The following PPP4R4 variants were observed in gnomAD, a reference collection of about 807,000 sequenced individuals.
PPP4R4 encodes the protein protein phosphatase 4 regulatory subunit 4.
In PPP4R4, 70 loss-of-function variants were observed where a neutral mutation model predicts 121.8. The observed-to-expected ratio is 0.57, with a 90% CI of 0.47 to 0.70. The LOEUF is 0.70. Among genes scored for constraint, PPP4R4 ranks in the 30% least tolerant of loss-of-function variants. The pLI, the probability that PPP4R4 is intolerant of heterozygous loss-of-function variation, is 0.00. For missense variants in PPP4R4, 875 were observed against 1,033.6 expected (o/e 0.85, Z 2.10); for synonymous variants, 348 against 355.7 (o/e 0.98, Z 0.24).
At chr14:94,266,288 T>C (rs530794454) in intron 22 of PPP4R4, among the ~76,000 whole-genome samples, 1 of 152,270 alleles carries the variant, frequency 6.6e-6, no homozygotes, top group South Asian at 2.1e-4. Flanking sequence ...ATTGGCATGT[T>C]CATATGATAA....
intron 7 of PPP4R4, among the ~76,000 whole-genome samples, chr14:94,236,525 A>G (rs1431571384): frequency 1.3e-5 from 2 of 152,184 alleles, no homozygotes; most frequent in Non-Finnish European, 2.9e-5. Context: ...TGTATGATCT[A>G]GATCAATCTC....
intron 5 of PPP4R4, among the ~76,000 whole-genome samples, chr14:94,232,929 G>A (rs986709554): frequency 9.2e-5 from 14 of 152,058 alleles, no homozygotes; most frequent in Non-Finnish European, 1.5e-4. Flanking sequence ...GTGGTGGCAG[G>A]CGCCTGTAGT....
chr14:94,192,245 G>A (rs1889642480), intron 2 of PPP4R4, among the ~76,000 whole-genome samples: 1 of 152,008 alleles, frequency 6.6e-6, no homozygotes, highest in Non-Finnish European at 1.5e-5. Context: ...ACATTATTAA[G>A]AATTTCATTT....
intron 15 of PPP4R4, among the ~76,000 whole-genome samples, chr14:94,250,553 A>G (rs1299328514): frequency 6.6e-6 from 1 of 151,996 alleles, no homozygotes; most frequent in African/African-American, 2.4e-5. Flanking sequence ...ATGAAATAGC[A>G]TTTGGAACTA....
chr14:94,214,920 A>G (rs1184075213), intron 3 of PPP4R4, among the ~76,000 whole-genome samples: 1 of 152,226 alleles, frequency 6.6e-6, no homozygotes, highest in Non-Finnish European at 1.5e-5. Flanking sequence ...ATTATTTAAA[A>G]TATTGTATAA....
At chr14:94,233,135 T>C (rs2139538889) in intron 5 of PPP4R4, among the ~76,000 whole-genome samples, 1 of 152,208 alleles carries the variant, frequency 6.6e-6, no homozygotes, top group South Asian at 2.1e-4. Flanking sequence ...CTGATCTTCA[T>C]AGTGTTTTAT....
intron 3 of PPP4R4, among the ~76,000 whole-genome samples, chr14:94,224,343 G>A (rs1266200416): frequency 2.0e-5 from 3 of 152,176 alleles, no homozygotes; most frequent in Non-Finnish European, 4.4e-5. Context: ...AGAGAGTGAT[G>A]TAGGATGGAA....
intron 23 of PPP4R4, among the ~76,000 whole-genome samples, chr14:94,271,923 T>G (rs1894355665): frequency 6.6e-6 from 1 of 152,044 alleles, no homozygotes; most frequent in East Asian, 1.9e-4. Context: ...CTATCAGCAC[T>G]CAGAAAAATG....
rs1893982824 is a variant in PPP4R4 at position 94,265,311 on chromosome 14, G to A, written c.2198-76G>A. ...CTAGGGATAGTGATTCATATTGTCTGAGTTGTCTTGTGTATTTATGGAGAT... is the reference window on the plus strand; with the variant it reads ...CTAGGGATAGTGATTCATATTGTCTAAGTTGTCTTGTGTATTTATGGAGAT... On this transcript the variant is annotated intron_variant, in intron 20 of 24. Transcript: ENST00000304338. 4.8e-6 allele frequency: 5 copies of A among 1,040,150 alleles called. No individual in the cohort carries two copies. The South Asian group carries it at 6.9e-5, about 14-fold the overall frequency. The allele number at this position is 1,040,150 out of a possible 1,614,324, so 64.4% of individuals were successfully genotyped here. A position where few individuals can be genotyped will look rare whatever the true frequency, so the allele number is the denominator to read the frequency against.
intron 24 of PPP4R4, 72 bp downstream of exon 24, chr14:94,275,593 T>G (rs1894595569): frequency 6.6e-7 from 1 of 1,509,002 alleles, no homozygotes; most frequent in East Asian, 2.3e-5. Context: ...CCTTCCCACT[T>G]AAGTACTTTC....
intron 12 of PPP4R4, 86 bp downstream of exon 12, chr14:94,244,798 C>T (rs1021267965): frequency 6.2e-6 from 8 of 1,299,530 alleles, no homozygotes; most frequent in African/African-American, 3.1e-5. Context: ...TTCTTGGAAT[C>T]GTGTCAACTC....
chr14:94,208,058 T>C (rs1890555811), intron 2 of PPP4R4, among the ~76,000 whole-genome samples: 1 of 152,068 alleles, frequency 6.6e-6, no homozygotes, highest in Admixed American at 6.6e-5. Flanking sequence ...CTGTCCCTGT[T>C]GCTATGACTA....
chr14:94,184,438 T>G (rs1028199322), intron 2 of PPP4R4, among the ~76,000 whole-genome samples: 1 of 152,038 alleles, frequency 6.6e-6, no homozygotes, highest in African/African-American at 2.4e-5. Flanking sequence ...AAGTTTTTTT[T>G]GTAGAGTTAG....
intron 2 of PPP4R4, among the ~76,000 whole-genome samples, chr14:94,187,080 C>A (rs1472532857): frequency 1.3e-5 from 2 of 152,020 alleles, no homozygotes; most frequent in African/African-American, 4.8e-5. Flanking sequence ...TTTGGGAGTC[C>A]GAGGTGGGCA....
chr14:94,266,176 A>G (rs1894043603), intron 22 of PPP4R4, among the ~76,000 whole-genome samples: 1 of 152,156 alleles, frequency 6.6e-6, no homozygotes, highest in African/African-American at 2.4e-5. Context: ...GTAGTATATC[A>G]CATGTGCCAC....
chr14:94,277,809 T>C (rs1342115580), intron 24 of PPP4R4, among the ~76,000 whole-genome samples: 2 of 152,122 alleles, frequency 1.3e-5, no homozygotes, highest in Non-Finnish European at 2.9e-5. Flanking sequence ...TATATATGTA[T>C]AATTGATTAA....
intron 2 of PPP4R4, among the ~76,000 whole-genome samples, chr14:94,203,397 T>G (rs762790540): frequency 6.6e-6 from 1 of 152,212 alleles, no homozygotes; most frequent in Non-Finnish European, 1.5e-5. Context: ...TTTTTATTGC[T>G]GAGTAGCATT....
intron 16 of PPP4R4, 52 bp downstream of exon 16, chr14:94,251,948 T>C: frequency 7.0e-7 from 1 of 1,434,886 alleles, no homozygotes; most frequent in Non-Finnish European, 9.4e-7. Flanking sequence ...TTTTATCTAC[T>C]ATAGTGAACA....
At chr14:94,236,822 A>C (rs1892374280) in intron 7 of PPP4R4, among the ~76,000 whole-genome samples, 7 of 152,184 alleles carry the variant, frequency 4.6e-5, no homozygotes, top group Admixed American at 4.6e-4. Context: ...AATTTTTAAA[A>C]GTTTTCTACA....
Sources: allele counts gnomAD v4.1 joint callset (sites outside exome capture counted in the v4.1 genomes callset), GRCh38; gene constraint gnomAD v4.1.1; transcripts MANE v1.5; gene names NCBI Gene and HGNC (gene_info 2026-07-23, HGNC 2026-07-21).